PTPRF: variants seen among roughly 807,000 people sequenced by gnomAD.
PTPRF encodes protein tyrosine phosphatase receptor type F.
A neutral mutation model predicts 201.8 loss-of-function variants in PTPRF; 59 were observed. The observed-to-expected ratio is 0.29, with a 90% CI of 0.24 to 0.36. The LOEUF is 0.36. PTPRF is among the 10% of genes least tolerant of loss of function. PTPRF has a pLI of 1.00. For synonymous variants in PTPRF, 1,088 were observed against 1,089.7 expected, an observed-to-expected ratio of 1.00 and a Z score of 0.03; for missense variants, 2,132 against 2,690.5, an observed-to-expected ratio of 0.79 and a Z score of 4.59.
chr1:43,567,554 C>G (rs1213091504), intron 5 of PTPRF, among the ~76,000 whole-genome samples: 1 of 152,210 alleles, frequency 6.6e-6, no homozygotes, highest in Non-Finnish European at 1.5e-5. Context: ...CTCTGCTCCT[C>G]ATGGGCCACA....
chr1:43,616,593 G>A (rs1372710611), intron 23 of PTPRF, among the ~76,000 whole-genome samples: 1 of 151,956 alleles, frequency 6.6e-6, no homozygotes, highest in African/African-American at 2.4e-5. Context: ...GGAGGCCGGA[G>A]GAATTTTGAG....
In PTPRF at chr1:43,550,382, C is replaced by G. The variant is rs530839509; in HGVS notation, c.92-3110C>G. ...CACCCCGCCCCCAGGCGCACTCGCC[C>G]GGCCATTCCGGTTCAGCCGGTTCCA... On this transcript the variant is annotated intron_variant, in intron 3 of 33. Coordinates refer to ENST00000359947, the MANE Select transcript of PTPRF (RefSeq NM_002840.5). Among the ~76,000 whole-genome samples the G allele has an allele frequency of 3.2e-4, 49 of 152,336 alleles. No individual in the cohort carries two copies. In the East Asian group the frequency reaches 8.9e-3, roughly 28 times the overall value.
intron 11 of PTPRF, among the ~76,000 whole-genome samples, chr1:43,596,242 G>A (rs558694024): frequency 6.6e-6 from 1 of 152,230 alleles, no homozygotes; most frequent in East Asian, 1.9e-4. Context: ...AAGGGGGTGG[G>A]GTCTGCAAGG....
intron 7 of PTPRF, among the ~76,000 whole-genome samples, chr1:43,586,163 A>C (rs501299): frequency 0.28 from 42,098 of 152,234 alleles, 6,933 homozygotes; most frequent in Non-Finnish European, 0.37. Flanking sequence ...CATCTACAGC[A>C]TGGAAACCTG....
At chr1:43,578,757 C>T in intron 6 of PTPRF, 53 bp from the exon 7 acceptor site, 1 of 1,393,108 alleles carries the variant, frequency 7.2e-7, no homozygotes, top group Non-Finnish European at 1.0e-6. Flanking sequence ...CACCGTGTTC[C>T]AGGCCACACT....
intron 3 of PTPRF, among the ~76,000 whole-genome samples, chr1:43,548,297 G>A (rs1025188590): frequency 6.6e-5 from 10 of 151,938 alleles, no homozygotes; most frequent in African/African-American, 2.4e-4. Context: ...AGAATCCTAG[G>A]AGCTCAGAGC....
chr1:43,526,660 C>T (rs973571367), upstream of PTPRF, among the ~76,000 whole-genome samples: 1 of 152,092 alleles, frequency 6.6e-6, no homozygotes, highest in Non-Finnish European at 1.5e-5. Flanking sequence ...GACCTGCCCC[C>T]AGAAGAAAGT....
intron 7 of PTPRF, chr1:43,583,185 A>C: frequency 4.7e-6 from 4 of 859,910 alleles, no homozygotes; most frequent in Non-Finnish European, 5.6e-6. Context: ...CAGCTCCCTC[A>C]GGCTCACTGC....
intron 22 of PTPRF, chr1:43,613,158 A>T (rs1272921692): frequency 4.1e-6 from 1 of 241,458 alleles, no homozygotes; most frequent in African/African-American, 2.4e-5. Context: ...TCTGTACTTC[A>T]TGACCACTCC....
At chr1:43,555,615 T>C (rs2153974533) in intron 5 of PTPRF, among the ~76,000 whole-genome samples, 1 of 152,102 alleles carries the variant, frequency 6.6e-6, no homozygotes, top group African/African-American at 2.4e-5. Flanking sequence ...GTGACTAATT[T>C]TTGTATTTTT....
chr1:43,539,508 A>G (rs1644230178), intron 2 of PTPRF, among the ~76,000 whole-genome samples: 1 of 152,182 alleles, frequency 6.6e-6, no homozygotes. Flanking sequence ...TGAACTAACA[A>G]GGCTGTGGAA....
Position 43,553,683 on chromosome 1 carries a change from A to G in PTPRF, c.237+46A>G, listed in dbSNP as rs966708593. 2 of 1,611,330 alleles carry G rather than the reference A, an allele frequency of 1.2e-6. No individual in the cohort carries two copies. The highest frequency in any genetic ancestry group is 1.7e-6 in the Non-Finnish European group (2 of 1,178,456). On this transcript the variant is annotated intron_variant, in intron 4 of 33. Coordinates refer to ENST00000359947, the MANE Select transcript of PTPRF (RefSeq NM_002840.5). The surrounding 1 kb of genome is among the most constrained non-coding windows in gnomAD (Gnocchi z 4.1). ...GGTCGGCAGGGCTCAGGGTCTGCCC[A>G]CACTCTCTCCTTTCAGTGTCCCTCC...
At chr1:43,605,139 T>G (rs1384931145) in intron 17 of PTPRF, 51 bp from the exon 18 acceptor site, 31 of 1,576,470 alleles carry the variant, frequency 2.0e-5, no homozygotes, top group Non-Finnish European at 2.6e-5. Context: ...TTGCAGCCCG[T>G]GGTAGGGAAC....
upstream of PTPRF, among the ~76,000 whole-genome samples, chr1:43,528,944 G>C (rs547284825): frequency 2.0e-5 from 3 of 152,192 alleles, no homozygotes; most frequent in African/African-American, 7.2e-5. Flanking sequence ...AGTCCCGGAA[G>C]AGCAGAAGAC....
At chr1:43,601,810 G>A (rs1653815429) in intron 13 of PTPRF, among the ~76,000 whole-genome samples, 2 of 152,144 alleles carry the variant, frequency 1.3e-5, no homozygotes, top group African/African-American at 4.8e-5. Flanking sequence ...CCTTCTGTCA[G>A]CGGGTCCTCT....
chr1:43,572,891 G>A (rs1422779851), intron 6 of PTPRF, among the ~76,000 whole-genome samples: 1 of 151,998 alleles, frequency 6.6e-6, no homozygotes, highest in Non-Finnish European at 1.5e-5. Context: ...AGCAAACCTG[G>A]GGACCTGAGG....
At position 43,588,329 on chromosome 1, in the gene PTPRF, C is replaced by T. The variant is rs1442044787; in HGVS notation, c.680-402C>T. Among the ~76,000 whole-genome samples, 1 of 152,228 alleles carries T rather than the reference C, an allele frequency of 6.6e-6. No individual in the cohort carries two copies. The highest frequency in any genetic ancestry group is 1.5e-5 in the Non-Finnish European group (1 of 68,028). On this transcript the variant is annotated intron_variant, in intron 7 of 33. Coordinates refer to ENST00000359947, the MANE Select transcript of PTPRF (RefSeq NM_002840.5). The surrounding 1 kb of genome is among the most constrained non-coding windows in gnomAD (Gnocchi z 5.3). ...TAGGGCCTGCTTTCTCTCCTTGGTG[C>T]TCCAGCCAGGAGCAGGCAGAGATAG...
At chr1:43,587,794 G>A (rs1649539622) in intron 7 of PTPRF, among the ~76,000 whole-genome samples, 1 of 152,148 alleles carries the variant, frequency 6.6e-6, no homozygotes, top group Admixed American at 6.5e-5. Flanking sequence ...GCCTGCCCAC[G>A]GCTGGGTTTC....
intron 3 of PTPRF, among the ~76,000 whole-genome samples, chr1:43,550,483 G>A (rs1473666202): frequency 2.0e-5 from 3 of 152,180 alleles, no homozygotes; most frequent in African/African-American, 4.8e-5. Flanking sequence ...CTTCCCTGGT[G>A]CAGCAGGGGC....
Sources: allele counts gnomAD v4.1 joint callset (sites outside exome capture counted in the v4.1 genomes callset), GRCh38; gene constraint gnomAD v4.1.1; non-coding constraint Gnocchi (gnomAD v3.1); transcripts MANE v1.5; gene names NCBI Gene and HGNC (gene_info 2026-07-23, HGNC 2026-07-21).